The following RORB variants were observed in gnomAD, a reference collection of about 807,000 sequenced individuals.
RORB encodes the protein RAR related orphan receptor B.
RORB carries 6 observed loss-of-function variants against 59.1 expected under a neutral mutation model. That is an observed-to-expected ratio of 0.10 (90% CI 0.06 to 0.20). The LOEUF (loss-of-function observed/expected upper bound fraction) is 0.20, where lower values mean the gene tolerates loss of function less well. Ranked by LOEUF, RORB falls within the 10% of genes least tolerant of loss-of-function variation. The pLI is 1.00. For synonymous variants in RORB, 215 were observed against 204.5 expected, an observed-to-expected ratio of 1.05 and a Z score of -0.44; for missense variants, 320 against 560.5, an observed-to-expected ratio of 0.57 and a Z score of 4.33.
intron 9 of RORB, among the ~76,000 whole-genome samples, chr9:74,679,426 C>A (rs1824505802): frequency 6.6e-6 from 1 of 152,098 alleles, no homozygotes; most frequent in East Asian, 1.9e-4. Context: ...AGGCTTCCTC[C>A]CAACAGTAAA....
chr9:74,499,905 C>T (rs761330724), intron 1 of RORB, among the ~76,000 whole-genome samples: 1 of 152,112 alleles, frequency 6.6e-6, no homozygotes, highest in East Asian at 1.9e-4. Context: ...GCATAAAATC[C>T]GCTCACTCCT....
chr9:74,559,398 A>C (rs1158568641), intron 1 of RORB, among the ~76,000 whole-genome samples: 2 of 152,186 alleles, frequency 1.3e-5, no homozygotes, highest in Non-Finnish European at 2.9e-5. Flanking sequence ...CCAGAATATG[A>C]AAATGAGACT....
intron 1 of RORB, among the ~76,000 whole-genome samples, chr9:74,499,498 T>C (rs987726715): frequency 2.6e-5 from 4 of 152,042 alleles, no homozygotes; most frequent in Non-Finnish European, 5.9e-5. Flanking sequence ...GGGGGTTGAC[T>C]GTAGATAAGA....
chr9:74,660,003 T>C (rs1453136631), intron 4 of RORB, among the ~76,000 whole-genome samples: 3 of 152,036 alleles, frequency 2.0e-5, no homozygotes, highest in Non-Finnish European at 2.9e-5. Flanking sequence ...ATAGCCAATA[T>C]TGTATTGTGT....
intron 9 of RORB, among the ~76,000 whole-genome samples, chr9:74,674,758 GA>G (rs35732895): frequency 2.5e-4 from 38 of 150,112 alleles, no homozygotes; most frequent in South Asian, 4.2e-4. Flanking sequence ...TTGGTTAGGG[GA>G]AAAAAAAACC....
At chr9:74,574,963 GGGGGCCAAAA>G (rs1358685440) in intron 1 of RORB, among the ~76,000 whole-genome samples, 3 of 151,992 alleles carry the variant, frequency 2.0e-5, no homozygotes, top group Non-Finnish European at 4.4e-5. Flanking sequence ...TAGCACTGAT[GGGGGCCAAAA>G]GAGTATTGCA....
rs1824672724 is a variant in RORB, at chr9:74,687,912, A to G, written c.*2294A>G. On this transcript the variant is annotated 3_prime_UTR_variant, in exon 10 of 10. Coordinates refer to ENST00000376896, the MANE Select transcript of RORB (RefSeq NM_006914.4). The stretch of plus-strand genomic sequence containing the variant: ...CCCTTTGAGCTTTGAACTTATGTCA[A>G]ACTTTGTTTTCATTGTTCTGTTGGC... 6.6e-6 allele frequency: 1 copy of G among 152,132 alleles called. No homozygotes were observed. The highest frequency in any genetic ancestry group is 2.1e-4 in the South Asian group (1 of 4,824). The allele number at this position is 152,132 out of a possible 1,614,324, so 9.4% of individuals were successfully genotyped here.
intron 3 of RORB, among the ~76,000 whole-genome samples, chr9:74,636,004 G>A: frequency 6.8e-6 from 1 of 147,136 alleles, no homozygotes; most frequent in African/African-American, 2.5e-5. Flanking sequence ...TCAGTTTATA[G>A]GTAGCTTCCA....
intron 9 of RORB, among the ~76,000 whole-genome samples, chr9:74,675,993 CTTG>C (rs1824434484): frequency 6.6e-6 from 1 of 152,224 alleles, no homozygotes; most frequent in South Asian, 2.1e-4. Flanking sequence ...GTCTGCCATT[CTTG>C]TTGCCCTGAC....
intron 1 of RORB, chr9:74,498,843 C>A: frequency 6.2e-6 from 1 of 162,598 alleles, no homozygotes; most frequent in Non-Finnish European, 1.3e-5. Flanking sequence ...GGCGGCGGGA[C>A]CCCGGGGCGA....
intron 9 of RORB, 44 bp from the exon 10 acceptor site, chr9:74,685,419 T>A: frequency 6.6e-7 from 1 of 1,522,280 alleles, no homozygotes; most frequent in Non-Finnish European, 9.0e-7. Context: ...AGAGCACTAA[T>A]GAGCTTCCCT....
chr9:74,531,689 AT>A (rs1196548068), intron 1 of RORB, among the ~76,000 whole-genome samples: 1 of 152,038 alleles, frequency 6.6e-6, no homozygotes, highest in African/African-American at 2.4e-5. Flanking sequence ...AGAGAAAAAA[AT>A]AAGCCCTACA....
intron 1 of RORB, among the ~76,000 whole-genome samples, chr9:74,501,934 C>T (rs1047547714): frequency 3.3e-5 from 5 of 152,192 alleles, no homozygotes; most frequent in African/African-American, 2.4e-5. Flanking sequence ...TTACTTAAAA[C>T]TTACTAATCT....
chr9:74,653,684 A>G (rs1824032581), intron 4 of RORB, among the ~76,000 whole-genome samples: 1 of 152,202 alleles, frequency 6.6e-6, no homozygotes, highest in Non-Finnish European at 1.5e-5. Context: ...CACCGAAAGC[A>G]GCAGTTTTTA....
chr9:74,564,300 TA>T (rs1822439962), intron 1 of RORB, among the ~76,000 whole-genome samples: 2 of 152,212 alleles, frequency 1.3e-5, no homozygotes, highest in African/African-American at 4.8e-5. Flanking sequence ...ACTATGAAGT[TA>T]ATCACAATTC....
rs994501730 is a variant in RORB at position 74,692,407 on chromosome 9, G to C, written c.*6789G>C. On this transcript the variant is annotated 3_prime_UTR_variant, in exon 10 of 10. Transcript: ENST00000376896. The stretch of plus-strand genomic sequence containing the variant: ...AATGCTTCCTTGCTTTTAGGATTGA[G>C]AGAAATGATTTTCATATACTTCCAA... The C allele has an allele frequency of 6.6e-6, 1 of 152,216 alleles. No homozygotes were observed. The highest frequency in any genetic ancestry group is 1.5e-5 in the Non-Finnish European group (1 of 68,042). The allele number at this position is 152,216 out of a possible 1,614,324, so 9.4% of individuals were successfully genotyped here.
At chr9:74,499,550 G>T (rs920702367) in intron 1 of RORB, among the ~76,000 whole-genome samples, 2 of 152,186 alleles carry the variant, frequency 1.3e-5, no homozygotes, top group African/African-American at 2.4e-5. Context: ...TGGCCGGCTC[G>T]CTGGGAGTGG....
chr9:74,622,760 G>A (rs1823445283), intron 1 of RORB, among the ~76,000 whole-genome samples: 1 of 151,868 alleles, frequency 6.6e-6, no homozygotes, highest in South Asian at 2.1e-4. Context: ...CTCTTAACCT[G>A]GTAATCCACC....
chr9:74,644,744 T>A (rs1823868041), intron 4 of RORB, among the ~76,000 whole-genome samples: 2 of 152,206 alleles, frequency 1.3e-5, no homozygotes, highest in African/African-American at 4.8e-5. Context: ...TGAATCCTTA[T>A]AAAACAAAAA....
Sources: allele counts gnomAD v4.1 joint callset (sites outside exome capture counted in the v4.1 genomes callset), GRCh38; gene constraint gnomAD v4.1.1; transcripts MANE v1.5; gene names NCBI Gene and HGNC (gene_info 2026-07-23, HGNC 2026-07-21).